The following MTMR7 variants were observed in gnomAD, a reference collection of about 807,000 sequenced individuals.
MTMR7 encodes myotubularin related protein 7, also known as phosphatidylinositol-3-phosphate phosphatase MTMR7.
Under a neutral mutation model 81.2 loss-of-function variants are expected in MTMR7, and 76 were observed. That is an observed-to-expected ratio of 0.94 (90% CI 0.78 to 1.13). The LOEUF is 1.13. MTMR7 is among the 50% of genes most tolerant of loss of function. The pLI, the probability that MTMR7 is intolerant of heterozygous loss-of-function variation, is 0.00. For synonymous variants in MTMR7, 372 were observed against 289.8 expected, an observed-to-expected ratio of 1.28 and a Z score of -2.88; for missense variants, 1,044 against 820.0, an observed-to-expected ratio of 1.27 and a Z score of -3.34.
At chr8:17,372,526 T>A (rs1820449576) in intron 2 of MTMR7, among the ~76,000 whole-genome samples, 1 of 152,098 alleles carries the variant, frequency 6.6e-6, no homozygotes, top group South Asian at 2.1e-4. Flanking sequence ...AGGCAGAGGC[T>A]GCAGTGAGCT....
intron 5 of MTMR7, among the ~76,000 whole-genome samples, chr8:17,344,237 A>G (rs899188149): frequency 1.3e-5 from 2 of 152,194 alleles, no homozygotes; most frequent in African/African-American, 4.8e-5. Flanking sequence ...CAGACAGAGT[A>G]TTTCCTGATC....
At chr8:17,373,309 C>A in intron 1 of MTMR7, 69 bp from the exon 2 acceptor site, 3 of 1,532,332 alleles carry the variant, frequency 2.0e-6, no homozygotes, top group East Asian at 4.6e-5. Flanking sequence ...TAAATGATAA[C>A]AGGGTAAACT....
chr8:17,387,106 A>G (rs1443823599), intron 1 of MTMR7, among the ~76,000 whole-genome samples: 1 of 152,192 alleles, frequency 6.6e-6, no homozygotes, highest in Admixed American at 6.5e-5. Context: ...CAAAGCAGTC[A>G]CCAGTCTCAT....
At chr8:17,328,116 G>A (rs1223378242) in intron 7 of MTMR7, among the ~76,000 whole-genome samples, 1 of 152,198 alleles carries the variant, frequency 6.6e-6, no homozygotes, top group African/African-American at 2.4e-5. Flanking sequence ...CTCGTGGGGA[G>A]AAAGTGAAAT....
At chr8:17,306,769 A>C (rs1035756307) in intron 10 of MTMR7, among the ~76,000 whole-genome samples, 2 of 152,216 alleles carry the variant, frequency 1.3e-5, no homozygotes, top group African/African-American at 4.8e-5. Flanking sequence ...AATTGTCTAG[A>C]AACTTCTCAG....
chr8:17,365,900 CA>C (rs1462901902), intron 3 of MTMR7, among the ~76,000 whole-genome samples: 1 of 152,056 alleles, frequency 6.6e-6, no homozygotes, highest in Non-Finnish European at 1.5e-5. Flanking sequence ...CTAGGAAGAC[CA>C]AATCAGTGTT....
intron 1 of MTMR7, among the ~76,000 whole-genome samples, chr8:17,381,085 AG>A (rs1445126266): frequency 6.6e-6 from 1 of 152,168 alleles, no homozygotes; most frequent in East Asian, 1.9e-4. Flanking sequence ...AAAAAGCAAA[AG>A]GGTGAACAAG....
At chr8:17,405,475 T>C (rs1349394049) in intron 1 of MTMR7, among the ~76,000 whole-genome samples, 1 of 152,180 alleles carries the variant, frequency 6.6e-6, no homozygotes, top group African/African-American at 2.4e-5. Flanking sequence ...TGAGGAACTT[T>C]AGAGACTCAG....
rs186312949 is a variant in MTMR7, at chr8:17,297,418, C to A, written c.*2444G>T. ...CTTAAATTGAAGGACAGCTCAGATTCATTTTTAGGAGAAGAAAGTAAACTA... is the reference window on the plus strand; with the variant it reads ...CTTAAATTGAAGGACAGCTCAGATTAATTTTTAGGAGAAGAAAGTAAACTA... On this transcript the variant is annotated 3_prime_UTR_variant, in exon 14 of 14. Coordinates refer to ENST00000180173, the MANE Select transcript of MTMR7 (RefSeq NM_004686.5). 1.4e-4 allele frequency: 21 copies of A among 152,070 alleles called. No homozygotes were observed. The highest frequency in any genetic ancestry group is 4.6e-4 in the Admixed American group (7 of 15,272). 9.4% of individuals were successfully genotyped at this position (152,070 alleles called of 1,614,324 possible). A position where few individuals can be genotyped will look rare whatever the true frequency, so the allele number is the denominator to read the frequency against.
Position 17,348,957 on chromosome 8 carries a change from T to C in MTMR7, c.593A>G (p.Asn198Ser). The C allele has an allele frequency of 6.2e-7, 1 of 1,613,620 alleles. No individual in the cohort carries two copies. Among genetic ancestry groups the C allele is most frequent in the Non-Finnish European group, 8.5e-7 (1 of 1,179,916 alleles). Reference sequence around the variant, plus strand: ...AAAACACGCCTCGAGACTTACGTGGTTATCTTTATAATAGTAAGAAAGGAC... The same window carrying C: ...AAAACACGCCTCGAGACTTACGTGGCTATCTTTATAATAGTAAGAAAGGAC... ...FPVLSYYYKD[N>S]HASICRSSQP... Residue 198 changes from asparagine (N) to serine (S), a missense_variant, in exon 5 of 14, where the codon AAC (asparagine) becomes AGC (serine). By Grantham distance (46) the Asn-to-Ser change is conservative. Coordinates refer to ENST00000180173, the MANE Select transcript of MTMR7 (RefSeq NM_004686.5).
Position 17,349,004 on chromosome 8 carries a change from G to A in MTMR7, c.546C>T (p.Phe182=), listed in dbSNP as rs1322689442. ...TAHIIVGSSK[F]RSRRRFPVLS... is the part of the protein sequence containing the mutation. ...GGACAGGAAATCGCCGTCTACTCCGGAATTTGGAACTCCCCACTATGATGT... is the reference window on the plus strand; with the variant it reads ...GGACAGGAAATCGCCGTCTACTCCGAAATTTGGAACTCCCCACTATGATGT... Residue 182 remains phenylalanine, a synonymous_variant, in exon 5 of 14, where the codon TTC becomes TTT. Coordinates refer to ENST00000180173, the MANE Select transcript of MTMR7 (RefSeq NM_004686.5). The A allele has an allele frequency of 1.9e-6, 3 of 1,613,386 alleles. No individual in the cohort carries two copies. Among genetic ancestry groups the A allele is most frequent in the Non-Finnish European group, 2.5e-6 (3 of 1,179,922 alleles).
intron 13 of MTMR7, among the ~76,000 whole-genome samples, chr8:17,300,621 C>CTT (rs1817049926): frequency 6.6e-6 from 1 of 152,214 alleles, no homozygotes; most frequent in African/African-American, 2.4e-5. Context: ...ATACAATTCA[C>CTT]TTACCGTGAA....
intron 7 of MTMR7, among the ~76,000 whole-genome samples, chr8:17,322,335 T>G (rs1818433401): frequency 6.6e-6 from 1 of 152,182 alleles, no homozygotes; most frequent in South Asian, 2.1e-4. Context: ...CAGAATACTA[T>G]TTACCAATGG....
At chr8:17,300,817 C>G (rs951092314) in intron 13 of MTMR7, among the ~76,000 whole-genome samples, 1 of 152,226 alleles carries the variant, frequency 6.6e-6, no homozygotes, top group Non-Finnish European at 1.5e-5. Flanking sequence ...CAACTTCTAT[C>G]TCTATGGATT....
At chr8:17,306,108 A>G in intron 10 of MTMR7, 151 bp from the exon 11 acceptor site, 1 of 666,280 alleles carries the variant, frequency 1.5e-6, no homozygotes, top group South Asian at 2.4e-5. Context: ...AAAAGTTAAG[A>G]TTTTAAATTC....
chr8:17,353,279 G>T (rs542000752), intron 4 of MTMR7, among the ~76,000 whole-genome samples: 4 of 152,262 alleles, frequency 2.6e-5, no homozygotes, highest in African/African-American at 2.4e-5. Context: ...GTTGCCAGGG[G>T]CTGTGGTAGG....
intron 1 of MTMR7, among the ~76,000 whole-genome samples, chr8:17,374,268 C>A (rs1820504477): frequency 1.3e-5 from 2 of 152,070 alleles, no homozygotes; most frequent in Admixed American, 1.3e-4. Flanking sequence ...AGTGGATCAC[C>A]TGAGGTGAGG....
intron 4 of MTMR7, among the ~76,000 whole-genome samples, chr8:17,349,778 T>C (rs970089369): frequency 6.6e-6 from 1 of 152,210 alleles, no homozygotes; most frequent in African/African-American, 2.4e-5. Flanking sequence ...CGATGTACTC[T>C]TTCTACGCAT....
intron 10 of MTMR7, among the ~76,000 whole-genome samples, chr8:17,307,896 G>A (rs936175002): frequency 1.3e-5 from 2 of 151,576 alleles, no homozygotes; most frequent in Non-Finnish European, 2.9e-5. Context: ...GTGGGGTGGC[G>A]GGAGGGGGGA....
Sources: gnomAD v4.1 joint callset for allele counts (sites outside exome capture counted in the v4.1 genomes callset) on GRCh38, gnomAD v4.1.1 for gene constraint, MANE v1.5 for transcripts, NCBI Gene and HGNC (gene_info 2026-07-23, HGNC 2026-07-21) for gene names.